VARS2: variants seen among roughly 807,000 people sequenced by gnomAD.
VARS2 encodes the protein valyl-tRNA synthetase 2, mitochondrial, also known as valine--tRNA ligase, mitochondrial.
VARS2 carries 105 observed loss-of-function variants against 154.1 expected under a neutral mutation model. The ratio of observed to expected loss-of-function variants is 0.68; its 90% confidence interval spans 0.58 to 0.80. The LOEUF (loss-of-function observed/expected upper bound fraction) is 0.80. Ranked by LOEUF, VARS2 falls within the 30% of genes least tolerant of loss-of-function variation. The pLI is 0.00. For synonymous variants in VARS2, 483 were observed against 539.5 expected, an observed-to-expected ratio of 0.90 and a Z score of 1.45; for missense variants, 1,157 against 1,361.4, an observed-to-expected ratio of 0.85 and a Z score of 2.36.
At chr6:30,915,309 T>A (rs751576967) in intron 3 of VARS2, 46 bp from the exon 4 acceptor site, 136 of 1,613,118 alleles carry the variant, frequency 8.4e-5, no homozygotes, top group Non-Finnish European at 1.1e-4. Context: ...AAATGCAGCC[T>A]GGGAACAAGT....
In VARS2 at chr6:30,926,218, T is replaced by C; in HGVS notation, c.*8T>C. The C allele has an allele frequency of 5.0e-6, 8 of 1,612,840 alleles. No individual in the cohort carries two copies. The highest frequency in any genetic ancestry group is 6.8e-6 in the Non-Finnish European group (8 of 1,179,848). On this transcript the variant is annotated 3_prime_UTR_variant, in exon 30 of 30. Transcript: ENST00000676266. ...GGGAGCCCGGAGCTCTAACTCATCA[T>C]CCCCATCAGTTTTCCTCCCTCTCAG...
Position 30,926,329 on chromosome 6 carries a change from T to A in VARS2, c.*119T>A. The A allele has an allele frequency of 9.8e-7, 1 of 1,019,066 alleles. No homozygotes were observed. Among genetic ancestry groups the A allele is most frequent in the Non-Finnish European group, 1.5e-6 (1 of 679,244 alleles). The allele number at this position is 1,019,066 out of a possible 1,614,324, so 63.1% of individuals were successfully genotyped here. A position where few individuals can be genotyped will look rare whatever the true frequency, so the allele number is the denominator to read the frequency against. On this transcript the variant is annotated 3_prime_UTR_variant, in exon 30 of 30. Coordinates refer to ENST00000676266, the MANE Select transcript of VARS2 (RefSeq NM_020442.6). The stretch of plus-strand genomic sequence containing the variant: ...TATGTGGTCCATCGCCTTCATTGTG[T>A]AAATGAGGACACAGACTGGCTTGGT...
intron 26 of VARS2, 55 bp from the exon 27 acceptor site, chr6:30,925,219 G>T: frequency 7.4e-7 from 1 of 1,353,694 alleles, no homozygotes; most frequent in Non-Finnish European, 1.0e-6. Context: ...CAGCAGGGTT[G>T]GTACTGAGTC....
Position 30,914,321 on chromosome 6 carries a change from C to T in VARS2, c.-51C>T, listed in dbSNP as rs1793996312. The T allele has an allele frequency of 8.4e-7, 1 of 1,187,414 alleles. No homozygotes were observed. Among genetic ancestry groups the T allele is most frequent in the Admixed American group, 4.2e-5 (1 of 23,800 alleles). 73.6% of individuals were successfully genotyped at this position (1,187,414 alleles called of 1,614,324 possible). A position where few individuals can be genotyped will look rare whatever the true frequency, so the allele number is the denominator to read the frequency against. On this transcript the variant is annotated 5_prime_UTR_variant, in exon 1 of 30. Transcript: ENST00000676266. The stretch of plus-strand genomic sequence containing the variant: ...TCAGTCCCTGCCGCCGCGGGGCGCC[C>T]TGGGATAGCGGCGGGGCCTCCTGGT...
chr6:30,923,924 TC>T, intron 25 of VARS2: 12 of 326,994 alleles, frequency 3.7e-5, no homozygotes, highest in South Asian at 1.0e-4. Flanking sequence ...TGACGGTGGA[TC>T]CCCCCCGCTC....
Position 30,917,933 on chromosome 6 carries a change from G to A in VARS2, c.985+127G>A, listed in dbSNP as rs1276006401. On this transcript the variant is annotated intron_variant, in intron 10 of 29. Transcript: ENST00000676266. The surrounding 1 kb of genome is among the most constrained non-coding windows in gnomAD (Gnocchi z 4.4). ...GTACCTTGGTAGTGTTCACCTCAGC[G>A]TGGGCACTTACCCAGGGTCTTCTGG... 48 of 963,850 alleles carry A rather than the reference G, an allele frequency of 5.0e-5. No homozygotes were observed. The highest frequency in any genetic ancestry group is 8.3e-5 in the African/African-American group (5 of 60,432). 59.7% of individuals were successfully genotyped at this position (963,850 alleles called of 1,614,324 possible).
rs199550805 is a variant in VARS2, at chr6:30,921,336, G to A, written c.1632+31G>A. The A allele has an allele frequency of 3.0e-5, 48 of 1,613,644 alleles. No homozygotes were observed. The African/African-American group carries it at 5.9e-4, about 20-fold the overall frequency. On this transcript the variant is annotated intron_variant, in intron 17 of 29. Transcript: ENST00000676266. The surrounding 1 kb of genome is among the most constrained non-coding windows in gnomAD (Gnocchi z 4.6). ...TAGGAAGAAGCACCCGGAGGGCCGA[G>A]TGTGGCACAGAGCACCTAGCCCAGG...
Position 30,919,870 on chromosome 6 carries a change from G to A in VARS2, c.1165+22G>A. ...ACGGGTGAGTGGAAGTCAGGGGAGG[G>A]AGAGAAAGTTGGGGGTCCTGGAGGA... On this transcript the variant is annotated intron_variant, in intron 12 of 29. Coordinates refer to ENST00000676266, the MANE Select transcript of VARS2 (RefSeq NM_020442.6). The surrounding 1 kb of genome is among the most constrained non-coding windows in gnomAD (Gnocchi z 4.5). 6.5e-7 allele frequency: 1 copy of A among 1,539,648 alleles called. No homozygotes were observed.
At position 30,925,300 on chromosome 6, in the gene VARS2, G is replaced by A; in HGVS notation, c.2700G>A (p.Glu900=). The stretch of plus-strand genomic sequence containing the variant: ...AGCACTGGCGCCAGCCAGAGCTGGA[G>A]CGGCGCTTCTCCCGGGTCCAAGAGG... ...SLEHWRQPEL[E]RRFSRVQEVV... is the part of the protein sequence containing the mutation. The change falls in exon 27 of 30, where the codon GAG becomes GAA. Residue 900 remains glutamate (E), a synonymous_variant. Transcript: ENST00000676266. The A allele has an allele frequency of 1.2e-6, 2 of 1,612,464 alleles. No homozygotes were observed. Among genetic ancestry groups the A allele is most frequent in the Middle Eastern group, 1.7e-4 (1 of 6,060 alleles).
Position 30,920,854 on chromosome 6 carries a change from T to G in VARS2, c.1479+105T>G. 1 of 1,158,190 alleles carries G rather than the reference T, an allele frequency of 8.6e-7. No individual in the cohort carries two copies. Among genetic ancestry groups the G allele is most frequent in the Non-Finnish European group, 1.2e-6 (1 of 832,262 alleles). The allele number at this position is 1,158,190 out of a possible 1,614,324, so 71.7% of individuals were successfully genotyped here. ...GGAGACCTCCTGCCCTGAAGACCTC[T>G]CCAGCTGTGGTAACTGAGAGGATGT... On this transcript the variant is annotated intron_variant, in intron 15 of 29. Coordinates refer to ENST00000676266, the MANE Select transcript of VARS2 (RefSeq NM_020442.6). The surrounding 1 kb of genome is among the most constrained non-coding windows in gnomAD (Gnocchi z 4.6).
intron 3 of VARS2, 46 bp from the exon 4 acceptor site, chr6:30,915,309 T>C (rs751576967): frequency 1.9e-6 from 3 of 1,613,118 alleles, no homozygotes; most frequent in African/African-American, 2.7e-5. Context: ...AAATGCAGCC[T>C]GGGAACAAGT....
chr6:30,916,593 A>T lies in VARS2; in HGVS notation c.672-285A>T. The T allele has an allele frequency of 2.0e-6, 1 of 487,870 alleles. No individual in the cohort carries two copies. Among genetic ancestry groups the T allele is most frequent in the Non-Finnish European group, 3.6e-6 (1 of 278,908 alleles). 30.2% of individuals were successfully genotyped at this position (487,870 alleles called of 1,614,324 possible). A position where few individuals can be genotyped will look rare whatever the true frequency, so the allele number is the denominator to read the frequency against. On this transcript the variant is annotated intron_variant, in intron 7 of 29. Transcript: ENST00000676266. This position sits in a 1 kb window ranked among gnomAD's most constrained non-coding sequence, Gnocchi z 4.0. Reference sequence around the variant, plus strand: ...TTTCAATTCCCATGGAATTACCCTCATTCTTCTGGGTCTGTTATCTCATGC... The same window carrying T: ...TTTCAATTCCCATGGAATTACCCTCTTTCTTCTGGGTCTGTTATCTCATGC...
intron 25 of VARS2, chr6:30,924,111 T>C: frequency 3.5e-6 from 2 of 578,664 alleles, no homozygotes; most frequent in Non-Finnish European, 6.1e-6. Context: ...ATGATTTTTT[T>C]CCCTAAACTA....
rs934143251 is a variant in VARS2 at position 30,919,790 on chromosome 6, G to A, written c.1107G>A (p.Leu369=). The A allele has an allele frequency of 1.3e-6, 2 of 1,593,916 alleles. No individual in the cohort carries two copies. Among genetic ancestry groups the A allele is most frequent in the African/African-American group, 2.7e-5 (2 of 74,502 alleles). ...HLHGRQLRHP[L]MGQPLPLITD... is the part of the protein sequence containing the mutation. ...ACGGGCGACAGCTTCGTCACCCCTT[G>A]ATGGGGCAGCCTCTTCCCCTCATCA... Residue 369 remains leucine, a synonymous_variant, in exon 12 of 30, where the codon TTG becomes TTA. Transcript: ENST00000676266. The surrounding 1 kb of genome is among the most constrained non-coding windows in gnomAD (Gnocchi z 4.5).
In VARS2 at chr6:30,919,853, G is replaced by A; in HGVS notation, c.1165+5G>A. On this transcript the variant is annotated splice_donor_5th_base_variant and intron_variant, in intron 12 of 29. Transcript: ENST00000676266. The surrounding 1 kb of genome is among the most constrained non-coding windows in gnomAD (Gnocchi z 4.5). ...TTCAGCCACATGTGGGCACGGGTGA[G>A]TGGAAGTCAGGGGAGGGAGAGAAAG... 6.4e-7 allele frequency: 1 copy of A among 1,561,432 alleles called. No individual in the cohort carries two copies. Among genetic ancestry groups the A allele is most frequent in the Non-Finnish European group, 8.7e-7 (1 of 1,149,662 alleles).
chr6:30,916,779 A>T lies in VARS2; in HGVS notation c.672-99A>T. ...GCTAGATCAATGCCATCCTCACTTG[A>T]TTTTCCTCCAACACCTGGCATTGCT... On this transcript the variant is annotated intron_variant, in intron 7 of 29. Coordinates refer to ENST00000676266, the MANE Select transcript of VARS2 (RefSeq NM_020442.6). The surrounding 1 kb of genome is among the most constrained non-coding windows in gnomAD (Gnocchi z 4.0). 1 of 1,216,472 alleles carries T rather than the reference A, an allele frequency of 8.2e-7. No homozygotes were observed. Among genetic ancestry groups the T allele is most frequent in the South Asian group, 1.2e-5 (1 of 80,934 alleles). The allele number at this position is 1,216,472 out of a possible 1,614,324, so 75.4% of individuals were successfully genotyped here. A position where few individuals can be genotyped will look rare whatever the true frequency, so the allele number is the denominator to read the frequency against.
intron 1 of VARS2, 43 bp downstream of exon 1, chr6:30,914,387 G>C: frequency 8.0e-7 from 1 of 1,253,474 alleles, no homozygotes; most frequent in Non-Finnish European, 1.0e-6. Flanking sequence ...GGGAGACGCT[G>C]CGGGTCCTGG....
rs1451049836 is a variant in VARS2, at chr6:30,916,254, G to A, written c.671+5G>A. The A allele has an allele frequency of 1.9e-6, 3 of 1,610,426 alleles. No individual in the cohort carries two copies. The highest frequency in any genetic ancestry group is 2.2e-5 in the East Asian group (1 of 44,798). On this transcript the variant is annotated splice_donor_5th_base_variant and intron_variant, in intron 7 of 29. Transcript: ENST00000676266. This position sits in a 1 kb window ranked among gnomAD's most constrained non-coding sequence, Gnocchi z 4.0. Reference sequence around the variant, plus strand: ...GGTGTGGCAGTGGAAGGAGGCGTGAGTATGATGGGCAGGACTCGGGGGGCC... The same window carrying A: ...GGTGTGGCAGTGGAAGGAGGCGTGAATATGATGGGCAGGACTCGGGGGGCC...
At position 30,921,415 on chromosome 6, in the gene VARS2, C is replaced by T. The variant is rs189045134; in HGVS notation, c.1632+110C>T. 5.5e-4 allele frequency: 812 copies of T among 1,470,342 alleles called. 6 individuals are homozygous for T. The highest frequency in any genetic ancestry group is 5.5e-3 in the African/African-American group (397 of 72,098). The allele number at this position is 1,470,342 out of a possible 1,614,324, so 91.1% of individuals were successfully genotyped here. A position where few individuals can be genotyped will look rare whatever the true frequency, so the allele number is the denominator to read the frequency against. On this transcript the variant is annotated intron_variant, in intron 17 of 29. Transcript: ENST00000676266. This position sits in a 1 kb window ranked among gnomAD's most constrained non-coding sequence, Gnocchi z 4.6. ...CTCCTGCCTGGTCATGTGCTTCATGCTCATAGTCATGTAACCTTCTGCGCG... is the reference window on the plus strand; with the variant it reads ...CTCCTGCCTGGTCATGTGCTTCATGTTCATAGTCATGTAACCTTCTGCGCG...
Sources: allele counts gnomAD v4.1 joint callset, GRCh38; gene constraint gnomAD v4.1.1; non-coding constraint Gnocchi (gnomAD v3.1); transcripts MANE v1.5; gene names NCBI Gene and HGNC (gene_info 2026-07-23, HGNC 2026-07-21).